LARGE1: variants seen among roughly 807,000 people sequenced by gnomAD.
LARGE1 encodes the protein LARGE xylosyl- and glucuronyltransferase 1.
Under a neutral mutation model 87.6 loss-of-function variants are expected in LARGE1, and 43 were observed. That is an observed-to-expected ratio of 0.49 (90% CI 0.38 to 0.63). The LOEUF is 0.63. Among genes scored for constraint, LARGE1 ranks in the 30% least tolerant of loss-of-function variants. The pLI, the probability that LARGE1 is intolerant of heterozygous loss-of-function variation, is 0.00. For missense variants in LARGE1, 802 were observed against 1,000.2 expected (o/e 0.80, Z 2.67); for synonymous variants, 434 against 394.6 (o/e 1.10, Z -1.18).
At chr22:33,189,184 G>GT (rs1923645912) in intron 11 of LARGE1, among the ~76,000 whole-genome samples, 1 of 151,938 alleles carries the variant, frequency 6.6e-6, no homozygotes, top group African/African-American at 2.4e-5. Context: ...TACAGTAGCC[G>GT]TTGGTGTGCC....
chr22:33,659,671 T>C (rs1331954640), intron 2 of LARGE1, among the ~76,000 whole-genome samples: 1 of 150,292 alleles, frequency 6.7e-6, no homozygotes, highest in East Asian at 2.0e-4. Context: ...AAGTTATCTT[T>C]GGCAACCAAA....
At chr22:33,389,010 AGATCATGCAGTGC>A (rs1292651338) in intron 7 of LARGE1, among the ~76,000 whole-genome samples, 6 of 152,238 alleles carry the variant, frequency 3.9e-5, no homozygotes, top group African/African-American at 1.2e-4. Flanking sequence ...GCAAACACTG[AGATCATGCAGTGC>A]TTATGAAGAG....
intron 11 of LARGE1, among the ~76,000 whole-genome samples, chr22:33,224,986 C>A (rs1214290519): frequency 6.6e-6 from 1 of 152,218 alleles, no homozygotes; most frequent in African/African-American, 2.4e-5. Context: ...AGGCAAGCAC[C>A]TGCCAGGTCG....
At chr22:33,411,380 A>G (rs2147446146) in intron 7 of LARGE1, among the ~76,000 whole-genome samples, 1 of 152,340 alleles carries the variant, frequency 6.6e-6, no homozygotes, top group Non-Finnish European at 1.5e-5. Flanking sequence ...AAATTGAAAA[A>G]GCTCAAGTTG....
At chr22:33,169,299 G>T (rs1424498914) in intron 11 of LARGE1, among the ~76,000 whole-genome samples, 1 of 152,002 alleles carries the variant, frequency 6.6e-6, no homozygotes, top group East Asian at 1.9e-4. Flanking sequence ...TCCCATGTGG[G>T]CCCTAAAATT....
intron 2 of LARGE1, among the ~76,000 whole-genome samples, chr22:33,700,968 C>T (rs749232029): frequency 1.3e-5 from 2 of 152,132 alleles, no homozygotes; most frequent in Admixed American, 6.5e-5. Context: ...AGGACAAAGA[C>T]GTTGACAGCA....
chr22:33,298,976 G>A (rs187407406), intron 12 of LARGE1, among the ~76,000 whole-genome samples: 114 of 152,104 alleles, frequency 7.5e-4, no homozygotes, highest in Middle Eastern at 3.4e-3. Context: ...TGGGAGGCCT[G>A]GGTGGGCGGA....
At chr22:33,893,434 T>C (rs2065055297) in intron 1 of LARGE1, among the ~76,000 whole-genome samples, 1 of 152,182 alleles carries the variant, frequency 6.6e-6, no homozygotes, top group Non-Finnish European at 1.5e-5. Context: ...GAGTTCTCTA[T>C]GCCTAAGACA....
intron 5 of LARGE1, among the ~76,000 whole-genome samples, chr22:33,565,372 GAATCCCACTACA>G (rs1261934447): frequency 6.6e-6 from 1 of 152,138 alleles, no homozygotes; most frequent in African/African-American, 2.4e-5. Context: ...TCCAAAAATT[GAATCCCACTACA>G]AATACTTTTG....
the LARGE1 span, among the ~76,000 whole-genome samples, chr22:33,092,767 T>C: frequency 6.6e-6 from 1 of 152,114 alleles, no homozygotes; most frequent in Non-Finnish European, 1.5e-5. Context: ...AATAATGGCT[T>C]CCAGCTCCAT....
intron 1 of LARGE1, among the ~76,000 whole-genome samples, chr22:33,917,859 GATAAACCACAGTCTCACGAACCCTCAAC>G (rs1172206906): frequency 6.6e-6 from 1 of 151,954 alleles, no homozygotes; most frequent in Admixed American, 6.6e-5. Flanking sequence ...GAACCCTCAA[GATAAACCACAGTCTCACGAACCCTCAAC>G]ATAAACCACA....
intron 6 of LARGE1, among the ~76,000 whole-genome samples, chr22:33,502,280 A>G (rs2070487322): frequency 6.6e-6 from 1 of 151,972 alleles, no homozygotes; most frequent in Non-Finnish European, 1.5e-5. Flanking sequence ...CTGAGGTTGG[A>G]AAAACATGCA....
At chr22:33,401,754 C>T (rs1473179218) in intron 7 of LARGE1, among the ~76,000 whole-genome samples, 2 of 152,170 alleles carry the variant, frequency 1.3e-5, no homozygotes, top group Non-Finnish European at 2.9e-5. Flanking sequence ...TGCGATAAAA[C>T]CAACCTTGTC....
chr22:33,195,576 T>C (rs1428588217), intron 11 of LARGE1, among the ~76,000 whole-genome samples: 2 of 151,920 alleles, frequency 1.3e-5, no homozygotes, highest in Non-Finnish European at 2.9e-5. Context: ...TTTACAATAA[T>C]GTATGGGTCA....
intron 2 of LARGE1, among the ~76,000 whole-genome samples, chr22:33,735,786 C>A (rs2083634813): frequency 6.6e-6 from 1 of 152,180 alleles, no homozygotes; most frequent in South Asian, 2.1e-4. Context: ...AACCCCAACC[C>A]TCCCCATATT....
At chr22:33,097,909 T>C in the LARGE1 span, among the ~76,000 whole-genome samples, 825 of 152,340 alleles carry the variant, frequency 5.4e-3, 4 homozygotes, top group African/African-American at 0.019. Flanking sequence ...CATTACTATA[T>C]AACTGGATAC....
chr22:33,417,063 C>G (rs188703512), intron 7 of LARGE1, among the ~76,000 whole-genome samples: 1 of 151,806 alleles, frequency 6.6e-6, no homozygotes, highest in Non-Finnish European at 1.5e-5. Flanking sequence ...TGTGTCACCA[C>G]GCCCAGCTAA....
the LARGE1 span, among the ~76,000 whole-genome samples, chr22:33,147,633 A>T: frequency 2.6e-4 from 40 of 152,346 alleles, no homozygotes; most frequent in Admixed American, 4.6e-4. Flanking sequence ...TGATCCAATT[A>T]TCAAAACCAG....
chr22:33,641,252 C>T (rs958660480), intron 3 of LARGE1, among the ~76,000 whole-genome samples: 2 of 152,164 alleles, frequency 1.3e-5, no homozygotes, highest in Non-Finnish European at 2.9e-5. Flanking sequence ...CCCAGGCAAA[C>T]AGGGTATGGA....
Sources: allele counts gnomAD v4.1 joint callset (sites outside exome capture counted in the v4.1 genomes callset), GRCh38; gene constraint gnomAD v4.1.1; transcripts MANE v1.5; gene names NCBI Gene and HGNC (gene_info 2026-07-23, HGNC 2026-07-21).